The following TTC39B variants were observed in gnomAD, a reference collection of about 807,000 sequenced individuals.
The protein encoded by TTC39B is tetratricopeptide repeat protein 39B.
A neutral mutation model predicts 96.6 loss-of-function variants in TTC39B; 92 were observed. That is an observed-to-expected ratio of 0.95 (90% CI 0.80 to 1.13). The LOEUF is 1.13. Ranked by LOEUF, TTC39B falls within the 50% of genes most tolerant of loss-of-function variation. TTC39B has a pLI of 0.00. For synonymous variants in TTC39B, 367 were observed against 299.4 expected (o/e 1.23, Z -2.33); for missense variants, 955 against 809.3 (o/e 1.18, Z -2.18).
At chr9:15,195,670 CA>C (rs35318510) in intron 8 of TTC39B, among the ~76,000 whole-genome samples, 487 of 66,308 alleles carry the variant, frequency 7.3e-3, no homozygotes, top group African/African-American at 0.015. Flanking sequence ...ACTCCATCTC[CA>C]AAAAAAAAAA....
intron 3 of TTC39B, among the ~76,000 whole-genome samples, chr9:15,223,879 T>C (rs528043813): frequency 6.6e-6 from 1 of 152,210 alleles, no homozygotes; most frequent in African/African-American, 2.4e-5. Flanking sequence ...ATTTTGGATC[T>C]TTGGATTAGG....
intron 1 of TTC39B, among the ~76,000 whole-genome samples, chr9:15,302,065 G>A (rs2131622783): frequency 6.6e-6 from 1 of 152,244 alleles, no homozygotes; most frequent in East Asian, 1.9e-4. Context: ...GCTCACGCCT[G>A]TAATCCCAGC....
chr9:15,268,378 T>C (rs551989119), intron 1 of TTC39B, among the ~76,000 whole-genome samples: 1 of 152,214 alleles, frequency 6.6e-6, no homozygotes, highest in South Asian at 2.1e-4. Context: ...CCCTCTCAGC[T>C]CGTCTCCCTG....
At chr9:15,244,903 C>G (rs1419636569) in intron 2 of TTC39B, among the ~76,000 whole-genome samples, 1 of 152,024 alleles carries the variant, frequency 6.6e-6, no homozygotes, top group African/African-American at 2.4e-5. Flanking sequence ...ATTCTGACAA[C>G]AAGTTTTCCT....
intron 9 of TTC39B, 69 bp from the exon 10 acceptor site, chr9:15,191,324 A>G: frequency 9.0e-7 from 1 of 1,105,396 alleles, no homozygotes. Context: ...CTAAACTAAC[A>G]ACTTACAGTT....
At chr9:15,195,529 G>A (rs985070555) in intron 8 of TTC39B, among the ~76,000 whole-genome samples, 5 of 151,906 alleles carry the variant, frequency 3.3e-5, no homozygotes, top group Non-Finnish European at 1.5e-5. Context: ...AATTAGCCAG[G>A]CACGGTGGCG....
At chr9:15,188,539 T>C (rs1818668793) in intron 13 of TTC39B, among the ~76,000 whole-genome samples, 1 of 151,984 alleles carries the variant, frequency 6.6e-6, no homozygotes, top group African/African-American at 2.4e-5. Flanking sequence ...ATCAATTTAA[T>C]AAAATTCTGT....
chr9:15,260,593 G>GT (rs1230969748), intron 2 of TTC39B, among the ~76,000 whole-genome samples: 5 of 150,322 alleles, frequency 3.3e-5, no homozygotes, highest in African/African-American at 1.2e-4. Flanking sequence ...CAAAACTATT[G>GT]TATCACCAAC....
intron 1 of TTC39B, among the ~76,000 whole-genome samples, chr9:15,277,072 G>A (rs1823570966): frequency 1.3e-5 from 2 of 152,178 alleles, no homozygotes; most frequent in South Asian, 2.1e-4. Flanking sequence ...TTGCCCTCTA[G>A]CCTTTACCCT....
intron 1 of TTC39B, among the ~76,000 whole-genome samples, chr9:15,270,427 A>G (rs940756833): frequency 3.3e-5 from 5 of 152,026 alleles, no homozygotes; most frequent in Non-Finnish European, 7.4e-5. Context: ...AATAGGGTAC[A>G]TGGACAGCCC....
intron 1 of TTC39B, among the ~76,000 whole-genome samples, chr9:15,277,193 C>G (rs979251509): frequency 2.0e-5 from 3 of 152,190 alleles, no homozygotes; most frequent in African/African-American, 7.2e-5. Flanking sequence ...CTTTGGGAGG[C>G]AGAGGCGGGT....
chr9:15,234,939 C>G (rs972444786), intron 2 of TTC39B, among the ~76,000 whole-genome samples: 3 of 151,562 alleles, frequency 2.0e-5, no homozygotes, highest in African/African-American at 7.3e-5. Context: ...GACCTTTGTT[C>G]ACTTGTTTAT....
intron 3 of TTC39B, among the ~76,000 whole-genome samples, chr9:15,224,076 C>T (rs1820992023): frequency 6.6e-6 from 1 of 152,150 alleles, no homozygotes; most frequent in African/African-American, 2.4e-5. Context: ...CTCAATCTTG[C>T]TTTCTCTCCT....
chr9:15,173,932 T>C (rs1454110702), intron 19 of TTC39B, among the ~76,000 whole-genome samples: 4 of 152,172 alleles, frequency 2.6e-5, no homozygotes, highest in Non-Finnish European at 5.9e-5. Context: ...GAAAGCATCA[T>C]CATTGACCCA....
chr9:15,283,711 C>G (rs1823854355), intron 1 of TTC39B, among the ~76,000 whole-genome samples: 1 of 152,166 alleles, frequency 6.6e-6, no homozygotes, highest in African/African-American at 2.4e-5. Context: ...ATAAAGAATA[C>G]AGACAGGGAT....
At chr9:15,289,565 A>G (rs1824104723) in intron 1 of TTC39B, among the ~76,000 whole-genome samples, 1 of 152,186 alleles carries the variant, frequency 6.6e-6, no homozygotes, top group African/African-American at 2.4e-5. Context: ...GCAGAACTCC[A>G]TGTGTCTGCT....
At chr9:15,201,270 AAAAC>A (rs1373384250) in intron 7 of TTC39B, among the ~76,000 whole-genome samples, 1 of 152,146 alleles carries the variant, frequency 6.6e-6, no homozygotes, top group Non-Finnish European at 1.5e-5. Flanking sequence ...CAAAAAAAAA[AAAAC>A]AAACATATCT....
intron 2 of TTC39B, among the ~76,000 whole-genome samples, chr9:15,237,806 A>T (rs1405605106): frequency 6.6e-6 from 1 of 152,302 alleles, no homozygotes; most frequent in African/African-American, 2.4e-5. Flanking sequence ...GATCACCCTG[A>T]TACTAAAATC....
At chr9:15,234,659 G>A (rs979284980) in intron 2 of TTC39B, among the ~76,000 whole-genome samples, 3 of 152,052 alleles carry the variant, frequency 2.0e-5, no homozygotes, top group African/African-American at 4.8e-5. Flanking sequence ...GTAGACATGG[G>A]AGACTTTTCA....
Sources: gnomAD v4.1 joint callset for allele counts (sites outside exome capture counted in the v4.1 genomes callset) on GRCh38, gnomAD v4.1.1 for gene constraint, MANE v1.5 for transcripts, NCBI Gene and HGNC (gene_info 2026-07-23, HGNC 2026-07-21) for gene names.